FAM53B: variants seen among roughly 807,000 people sequenced by gnomAD.
FAM53B encodes the protein protein FAM53B.
In FAM53B, 12 loss-of-function variants were observed where a neutral mutation model predicts 32.7. The ratio of observed to expected loss-of-function variants is 0.37; its 90% CI spans 0.24 to 0.59. FAM53B has a LOEUF of 0.59. Among genes scored for constraint, FAM53B ranks in the 20% least tolerant of loss-of-function variants. The probability of loss-of-function intolerance (pLI) is 0.72; values close to 1 mark genes in which losing one functional copy is unlikely to be tolerated. For missense variants in FAM53B, 477 were observed against 577.7 expected, an observed-to-expected ratio of 0.83 and a Z score of 1.79; for synonymous variants, 234 against 228.7, an observed-to-expected ratio of 1.02 and a Z score of -0.21.
chr10:124,666,138 G>A (rs920307315), intron 4 of FAM53B, among the ~76,000 whole-genome samples: 4 of 152,222 alleles, frequency 2.6e-5, no homozygotes, highest in Non-Finnish European at 4.4e-5. Context: ...GCAGGGCCAC[G>A]TTCCTGAAGC....
chr10:124,673,089 C>A (rs994701245), intron 4 of FAM53B, among the ~76,000 whole-genome samples: 1 of 152,190 alleles, frequency 6.6e-6, no homozygotes, highest in African/African-American at 2.4e-5. Context: ...AGCCCTGCTG[C>A]TTTCACCTCG....
chr10:124,639,204 G>C (rs1383229083), intron 4 of FAM53B, among the ~76,000 whole-genome samples: 1 of 152,172 alleles, frequency 6.6e-6, no homozygotes, highest in African/African-American at 2.4e-5. Context: ...GCCATGGGGG[G>C]TTGGGTTCTG....
At chr10:124,663,844 C>G (rs2134058417) in intron 4 of FAM53B, among the ~76,000 whole-genome samples, 1 of 152,178 alleles carries the variant, frequency 6.6e-6, no homozygotes, top group South Asian at 2.1e-4. Flanking sequence ...TCTCCAGAGA[C>G]CGATGCTACT....
intron 4 of FAM53B, chr10:124,671,157 C>T: frequency 2.2e-6 from 1 of 454,180 alleles, no homozygotes; most frequent in South Asian, 1.5e-5. Flanking sequence ...GCCGCGTGAC[C>T]TGCAGGAGCA....
chr10:124,692,310 C>T (rs1331520218), intron 3 of FAM53B, among the ~76,000 whole-genome samples: 2 of 152,188 alleles, frequency 1.3e-5, no homozygotes, highest in Non-Finnish European at 2.9e-5. Flanking sequence ...AACCACTTAT[C>T]TGTATCAAGT....
In FAM53B at chr10:124,682,485, CA is replaced by C. The variant is rs540541449; in HGVS notation, c.134-107del. On this transcript the variant is annotated intron_variant, in intron 3 of 4. Transcript: ENST00000337318. The surrounding 1 kb of genome is among the most constrained non-coding windows in gnomAD (Gnocchi z 5.2). ...CGTTTCAAACACAGTATCTTAGAGCCAAAAGGCCCTTAGAAACCATCCAGTC... is the reference window on the plus strand; with the variant it reads ...CGTTTCAAACACAGTATCTTAGAGCCAAAGGCCCTTAGAAACCATCCAGTC... 4.5e-3 allele frequency: 4,449 copies of C among 998,918 alleles called. 30 individuals carry two copies. Among genetic ancestry groups the C allele is most frequent in the Non-Finnish European group, 5.7e-3 (3,987 of 695,294 alleles). The allele number at this position is 998,918 out of a possible 1,614,324, so 61.9% of individuals were successfully genotyped here. A position where few individuals can be genotyped will look rare whatever the true frequency, so the allele number is the denominator to read the frequency against.
Position 124,682,358 on chromosome 10 carries a change from A to G in FAM53B, c.155T>C (p.Leu52Pro). ...GIMENDRWRD[L>P]DRKCPLQIDQ... The stretch of plus-strand genomic sequence containing the variant: ...AATCTGAAGAGGGCATTTCCTGTCC[A>G]GGTCTCGCCATCTGTCATTTTCTGG... Residue 52 changes from leucine to proline, a missense_variant, in exon 4 of 5, where the codon CTG (leucine) becomes CCG (proline). Transcript: ENST00000337318. This position sits in a 1 kb window ranked among gnomAD's most constrained non-coding sequence, Gnocchi z 5.2. 6.2e-7 allele frequency: 1 copy of G among 1,602,336 alleles called. No homozygotes were observed. The highest frequency in any genetic ancestry group is 8.5e-7 in the Non-Finnish European group (1 of 1,172,066).
Position 124,623,235 on chromosome 10 carries a change from C to T in FAM53B, c.*7G>A. 6 of 1,581,134 alleles carry T rather than the reference C, an allele frequency of 3.8e-6. No individual in the cohort carries two copies. The highest frequency in any genetic ancestry group is 5.2e-6 in the Non-Finnish European group (6 of 1,161,920). On this transcript the variant is annotated 3_prime_UTR_variant, in exon 5 of 5. Coordinates refer to ENST00000337318, the MANE Select transcript of FAM53B (RefSeq NM_014661.4). Reference sequence around the variant, plus strand: ...CACACCCCAGCCCTGCCTGGGCCCACACCCCCTCAGTTCTTCTCTATCTGC... The same window carrying T: ...CACACCCCAGCCCTGCCTGGGCCCATACCCCCTCAGTTCTTCTCTATCTGC...
rs1949309316 is a variant in FAM53B at position 124,621,311 on chromosome 10, C to T, written c.*1931G>A. The T allele has an allele frequency of 6.6e-6, 1 of 152,342 alleles. No homozygotes were observed. The highest frequency in any genetic ancestry group is 2.4e-5 in the African/African-American group (1 of 41,476). The allele number at this position is 152,342 out of a possible 1,614,324, so 9.4% of individuals were successfully genotyped here. ...CCAACAACTGCCCTGGCCGCCTCCACATTTGCTCTAAGAAGACATGGTCTC... is the reference window on the plus strand; with the variant it reads ...CCAACAACTGCCCTGGCCGCCTCCATATTTGCTCTAAGAAGACATGGTCTC... On this transcript the variant is annotated 3_prime_UTR_variant, in exon 5 of 5. Transcript: ENST00000337318.
rs1006557359 is a variant in FAM53B at position 124,622,356 on chromosome 10, C to T, written c.*886G>A. 5.8e-4 allele frequency: 88 copies of T among 152,308 alleles called. No homozygotes were observed. 9.4% of individuals were successfully genotyped at this position (152,308 alleles called of 1,614,324 possible). On this transcript the variant is annotated 3_prime_UTR_variant, in exon 5 of 5. Coordinates refer to ENST00000337318, the MANE Select transcript of FAM53B (RefSeq NM_014661.4). ...CGTTTTCAAGAGGCTGCCCTGGTAT[C>T]GTGCCATCCCTACACTCACCGGAAC...
intron 4 of FAM53B, among the ~76,000 whole-genome samples, chr10:124,673,237 G>A (rs1041864923): frequency 3.9e-5 from 6 of 152,042 alleles, no homozygotes; most frequent in African/African-American, 1.5e-4. Context: ...GCTGCTCACT[G>A]TTGTCCCAAA....
At chr10:124,691,721 G>A (rs563733333) in intron 3 of FAM53B, among the ~76,000 whole-genome samples, 7 of 152,294 alleles carry the variant, frequency 4.6e-5, no homozygotes, top group Admixed American at 2.6e-4. Context: ...TGGAGACTGC[G>A]CTCACTCCAC....
intron 4 of FAM53B, among the ~76,000 whole-genome samples, chr10:124,659,782 G>A (rs532133095): frequency 1.2e-4 from 18 of 152,232 alleles, no homozygotes; most frequent in Non-Finnish European, 2.5e-4. Flanking sequence ...AGAGTTTTCT[G>A]GGTCCCAGGC....
intron 1 of FAM53B, among the ~76,000 whole-genome samples, chr10:124,732,569 T>A (rs1207304781): frequency 6.6e-6 from 1 of 152,188 alleles, no homozygotes; most frequent in East Asian, 1.9e-4. Flanking sequence ...TTTTAAAAAT[T>A]GTTTTTTGGC....
At chr10:124,643,166 G>A (rs1300342139) in intron 4 of FAM53B, among the ~76,000 whole-genome samples, 9 of 152,230 alleles carry the variant, frequency 5.9e-5, no homozygotes, top group Non-Finnish European at 2.9e-5. Context: ...GGAGAGAAAC[G>A]TCAATTGTTG....
At position 124,707,016 on chromosome 10, in the gene FAM53B, T is replaced by C. The variant is rs996449596; in HGVS notation, c.-174-129A>G. The C allele has an allele frequency of 3.3e-5, 26 of 788,366 alleles. No individual in the cohort carries two copies. The African/African-American group carries it at 4.6e-4, about 14-fold the overall frequency. The allele number at this position is 788,366 out of a possible 1,614,324, so 48.8% of individuals were successfully genotyped here. ...CCTCTCTGCTAAAGGAGATGCACTC[T>C]GGGAGAGTCACCAAGGCCCAGAGTT... On this transcript the variant is annotated intron_variant, in intron 1 of 4. Coordinates refer to ENST00000337318, the MANE Select transcript of FAM53B (RefSeq NM_014661.4).
intron 4 of FAM53B, among the ~76,000 whole-genome samples, chr10:124,652,381 C>T (rs1428865231): frequency 2.0e-5 from 3 of 152,140 alleles, no homozygotes; most frequent in East Asian, 1.9e-4. Flanking sequence ...TGGGCAACAC[C>T]GGGATGGGCT....
chr10:124,649,830 G>T (rs544069806), intron 4 of FAM53B, among the ~76,000 whole-genome samples: 1 of 151,986 alleles, frequency 6.6e-6, no homozygotes, highest in Non-Finnish European at 1.5e-5. Context: ...CCAAATATAC[G>T]TAAGTCCCCA....
rs371212601 is a variant in FAM53B at position 124,650,461 on chromosome 10, G to A, written c.907-26857C>T. ...TATGGTGATGATGGTGATGACAGCA[G>A]CTGCCATCTGCCAAGCACGCACAGT... On this transcript the variant is annotated intron_variant, in intron 4 of 4. Transcript: ENST00000337318. 1.2e-3 allele frequency among the ~76,000 whole-genome samples: 180 copies of A among 152,366 alleles called. 3 individuals carry two copies. In the South Asian group the frequency reaches 0.036, roughly 31 times the overall value.
Sources: allele counts gnomAD v4.1 joint callset (sites outside exome capture counted in the v4.1 genomes callset), GRCh38; gene constraint gnomAD v4.1.1; non-coding constraint Gnocchi (gnomAD v3.1); transcripts MANE v1.5; gene names NCBI Gene and HGNC (gene_info 2026-07-23, HGNC 2026-07-21).